IL6ST: variants seen among roughly 807,000 people sequenced by gnomAD.
IL6ST encodes interleukin-6 receptor subunit beta.
A neutral mutation model predicts 91.3 loss-of-function variants in IL6ST; 24 were observed. That is an observed-to-expected ratio of 0.26 (90% CI 0.19 to 0.37). The LOEUF (loss-of-function observed/expected upper bound fraction) is 0.37, where lower values mean the gene tolerates loss of function less well. IL6ST is among the 10% of genes least tolerant of loss of function. The pLI, the probability that IL6ST is intolerant of heterozygous loss-of-function variation, is 1.00. For missense variants in IL6ST, 914 were observed against 1,078.5 expected (o/e 0.85, Z 2.14); for synonymous variants, 351 against 373.6 (o/e 0.94, Z 0.70).
At chr5:55,990,839 G>A (rs972836149) in intron 1 of IL6ST, among the ~76,000 whole-genome samples, 1 of 151,836 alleles carries the variant, frequency 6.6e-6, no homozygotes, top group African/African-American at 2.4e-5. Flanking sequence ...TGCTGCACCC[G>A]TTAACTAGTC....
At chr5:55,944,636 T>G (rs1751129485) in intron 15 of IL6ST, 5 of 855,306 alleles carry the variant, frequency 5.8e-6, no homozygotes, top group Non-Finnish European at 9.2e-6. Flanking sequence ...TAGCGCCATT[T>G]TTTTGGAAAC....
intron 6 of IL6ST, 51 bp from the exon 7 acceptor site, chr5:55,963,557 A>G (rs758479636): frequency 7.7e-7 from 1 of 1,303,900 alleles, no homozygotes; most frequent in Admixed American, 2.0e-5. Flanking sequence ...AATTTCATAT[A>G]CAAACTCAAA....
chr5:55,967,471 C>T (rs1253609124), intron 5 of IL6ST, among the ~76,000 whole-genome samples: 1 of 151,644 alleles, frequency 6.6e-6, no homozygotes, highest in Non-Finnish European at 1.5e-5. Context: ...GGAGCTTATT[C>T]GAATCTTGAC....
chr5:55,950,535 C>CAAAAAA (rs70995750), intron 14 of IL6ST, among the ~76,000 whole-genome samples: 5 of 29,354 alleles, frequency 1.7e-4, no homozygotes, highest in East Asian at 1.8e-3. Flanking sequence ...GACTCTGTCT[C>CAAAAAA]AAAAAAAAAA....
At chr5:55,974,647 G>A (rs1232639887) in intron 3 of IL6ST, among the ~76,000 whole-genome samples, 1 of 151,996 alleles carries the variant, frequency 6.6e-6, no homozygotes, top group African/African-American at 2.4e-5. Flanking sequence ...ACTACCGCCT[G>A]GCTAATTTTT....
rs142571690 is a variant in IL6ST, at chr5:55,977,114, A to G, written c.-15-821T>C. Reference sequence around the variant, plus strand: ...TACATTCAAACAATGGTAGAGACATATAATAGAATACTACTCAGCAAACAA... The same window carrying G: ...TACATTCAAACAATGGTAGAGACATGTAATAGAATACTACTCAGCAAACAA... On this transcript the variant is annotated intron_variant, in intron 2 of 16. Coordinates refer to ENST00000381298, the MANE Select transcript of IL6ST (RefSeq NM_002184.4). Among the ~76,000 whole-genome samples, 130 of 152,330 alleles carry G rather than the reference A, an allele frequency of 8.5e-4. 2 individuals are homozygous for G. In the East Asian group the frequency reaches 0.018, roughly 21 times the overall value.
intron 11 of IL6ST, among the ~76,000 whole-genome samples, chr5:55,952,707 G>C (rs16884672): frequency 0.033 from 5,081 of 152,244 alleles, 288 homozygotes; most frequent in African/African-American, 0.12. Flanking sequence ...GACTAAAGCA[G>C]TAAGACCTAG....
rs991336085 is a variant in IL6ST at position 55,936,447 on chromosome 5, C to T, written c.*4635G>A. On this transcript the variant is annotated 3_prime_UTR_variant, in exon 17 of 17. Transcript: ENST00000381298. ...TCTGGAAAACTAGTGGATAAATTTGCCATCTCCATTCTATGTTATTAAGAC... is the reference window on the plus strand; with the variant it reads ...TCTGGAAAACTAGTGGATAAATTTGTCATCTCCATTCTATGTTATTAAGAC... 2.3e-5 allele frequency: 5 copies of T among 215,012 alleles called. No homozygotes were observed. The highest frequency in any genetic ancestry group is 1.2e-4 in the Admixed American group (2 of 16,998). The allele number at this position is 215,012 out of a possible 1,614,324, so 13.3% of individuals were successfully genotyped here. A position where few individuals can be genotyped will look rare whatever the true frequency, so the allele number is the denominator to read the frequency against.
chr5:55,942,657 C>A lies in IL6ST; in HGVS notation c.2019+13G>T. 6.7e-7 allele frequency: 1 copy of A among 1,491,226 alleles called. No individual in the cohort carries two copies. The highest frequency in any genetic ancestry group is 1.4e-5 in the African/African-American group (1 of 72,452). 92.4% of individuals were successfully genotyped at this position (1,491,226 alleles called of 1,614,324 possible). ...CTGTATATTATAAACAACTCAGAAG[C>A]ATTTTCTCTTACCCTTGGAGGAGTG... is the stretch of plus-strand genomic sequence containing the variant. On this transcript the variant is annotated intron_variant, in intron 16 of 16. Transcript: ENST00000381298.
rs1750465893 is a variant in IL6ST at position 55,935,600 on chromosome 5, T to TAGGAA, written c.*5481_*5482insTTCCT. The TAGGAA allele has an allele frequency of 4.6e-6, 1 of 218,762 alleles. No individual in the cohort carries two copies. Among genetic ancestry groups the TAGGAA allele is most frequent in the Non-Finnish European group, 9.2e-6 (1 of 108,972 alleles). 13.6% of individuals were successfully genotyped at this position (218,762 alleles called of 1,614,324 possible). A position where few individuals can be genotyped will look rare whatever the true frequency, so the allele number is the denominator to read the frequency against. On this transcript the variant is annotated 3_prime_UTR_variant, in exon 17 of 17. Transcript: ENST00000381298. Reference sequence around the variant, plus strand: ...CTGCTTTCGAGTTGGCTGAGCTTCCTGCTGCTTTCACACATTCTTCTTTTT... The same window carrying TAGGAA: ...CTGCTTTCGAGTTGGCTGAGCTTCCTAGGAAGCTGCTTTCACACATTCTTCTTTTT...
chr5:55,964,032 AATTAAAATC>A (rs1752490472), intron 6 of IL6ST, 105 bp downstream of exon 6: 9 of 475,584 alleles, frequency 1.9e-5, no homozygotes, highest in Non-Finnish European at 3.2e-5. Flanking sequence ...AAACTACATT[AATTAAAATC>A]TAAAAATCTA....
chr5:55,968,159 A>G (rs1752749048), intron 5 of IL6ST, 117 bp downstream of exon 5: 1 of 971,844 alleles, frequency 1.0e-6, no homozygotes, highest in Non-Finnish European at 1.5e-6. Context: ...ATGTTACAGA[A>G]TAAAAAATTA....
intron 5 of IL6ST, among the ~76,000 whole-genome samples, 193 bp downstream of exon 5, chr5:55,968,083 C>T (rs183537817): frequency 5.9e-5 from 9 of 152,220 alleles, no homozygotes; most frequent in Non-Finnish European, 1.3e-4. Context: ...AGGCATGGGC[C>T]GCCGCGCCTG....
intron 2 of IL6ST, among the ~76,000 whole-genome samples, chr5:55,978,874 C>T (rs186106194): frequency 6.6e-6 from 1 of 152,216 alleles, no homozygotes; most frequent in African/African-American, 2.4e-5. Flanking sequence ...ACAAAATCTG[C>T]CCAGATAAGG....
At chr5:55,986,670 T>C (rs1486804387) in intron 1 of IL6ST, among the ~76,000 whole-genome samples, 1 of 152,214 alleles carries the variant, frequency 6.6e-6, no homozygotes, top group African/African-American at 2.4e-5. Flanking sequence ...TCTTAATTAT[T>C]TTTTATTCTC....
At position 55,940,816 on chromosome 5, in the gene IL6ST, G is replaced by A; in HGVS notation, c.*266C>T. 1 of 394,184 alleles carries A rather than the reference G, an allele frequency of 2.5e-6. No homozygotes were observed. The highest frequency in any genetic ancestry group is 3.9e-5 in the East Asian group (1 of 25,606). The allele number at this position is 394,184 out of a possible 1,614,324, so 24.4% of individuals were successfully genotyped here. ...TTTATAAATTTCAGATAAGCTTTCT[G>A]TTTTTCTTCAGTGCAAACATCCTGA... On this transcript the variant is annotated 3_prime_UTR_variant, in exon 17 of 17. Coordinates refer to ENST00000381298, the MANE Select transcript of IL6ST (RefSeq NM_002184.4).
chr5:55,946,829 G>T (rs185381857), intron 15 of IL6ST, among the ~76,000 whole-genome samples: 10 of 150,796 alleles, frequency 6.6e-5, no homozygotes, highest in Non-Finnish European at 1.3e-4. Context: ...AAAAAAAAAA[G>T]GGAGAAGTAT....
At position 55,940,985 on chromosome 5, in the gene IL6ST, G is replaced by A; in HGVS notation, c.*97C>T. On this transcript the variant is annotated 3_prime_UTR_variant, in exon 17 of 17. Transcript: ENST00000381298. ...CCTTAAGGGCAAATGATCATCTTCAGAGAGTGAAGACTTTTTAAAATCTGA... is the reference window on the plus strand; with the variant it reads ...CCTTAAGGGCAAATGATCATCTTCAAAGAGTGAAGACTTTTTAAAATCTGA... The A allele has an allele frequency of 1.6e-6, 2 of 1,216,464 alleles. No homozygotes were observed. The highest frequency in any genetic ancestry group is 3.0e-5 in the South Asian group (2 of 66,182). 75.4% of individuals were successfully genotyped at this position (1,216,464 alleles called of 1,614,324 possible).
At chr5:55,950,792 T>C (rs1284992277) in intron 14 of IL6ST, among the ~76,000 whole-genome samples, 2 of 151,024 alleles carry the variant, frequency 1.3e-5, no homozygotes, top group African/African-American at 2.4e-5. Context: ...AGACCAGCCA[T>C]CTCTATAAAA....
Sources: gnomAD v4.1 joint callset for allele counts (sites outside exome capture counted in the v4.1 genomes callset) on GRCh38, gnomAD v4.1.1 for gene constraint, MANE v1.5 for transcripts, NCBI Gene and HGNC (gene_info 2026-07-23, HGNC 2026-07-21) for gene names.